The following GRM8 variants were observed in gnomAD, a reference collection of about 807,000 sequenced individuals.
GRM8 encodes the protein metabotropic glutamate receptor 8.
Under a neutral mutation model 87.2 loss-of-function variants are expected in GRM8, and 47 were observed. The ratio of observed to expected loss-of-function variants is 0.54; its 90% confidence interval spans 0.43 to 0.69. The LOEUF (loss-of-function observed/expected upper bound fraction) is 0.69. GRM8 is among the 30% of genes least tolerant of loss of function. The probability of loss-of-function intolerance (pLI) is 0.00; values close to 1 mark genes in which losing one functional copy is unlikely to be tolerated. For synonymous variants in GRM8, 396 were observed against 404.5 expected, an observed-to-expected ratio of 0.98 and a Z score of 0.25; for missense variants, 1,019 against 1,139.2, an observed-to-expected ratio of 0.89 and a Z score of 1.52.
chr7:126,654,432 A>G (rs978448551), intron 7 of GRM8, among the ~76,000 whole-genome samples: 9 of 152,202 alleles, frequency 5.9e-5, no homozygotes, highest in Non-Finnish European at 1.2e-4. Context: ...AAATTATGGC[A>G]GGCTTATGGT....
intron 3 of GRM8, among the ~76,000 whole-genome samples, chr7:126,951,745 T>C (rs768154996): frequency 2.0e-4 from 31 of 152,036 alleles, no homozygotes; most frequent in South Asian, 6.2e-4. Context: ...GATTTCTCAC[T>C]ATTTGAGAAA....
At chr7:127,217,583 G>T (rs1454583512) in intron 2 of GRM8, among the ~76,000 whole-genome samples, 5 of 152,068 alleles carry the variant, frequency 3.3e-5, no homozygotes, top group African/African-American at 1.2e-4. Context: ...TAATCATATG[G>T]TTTCTAAGAG....
intron 7 of GRM8, among the ~76,000 whole-genome samples, chr7:126,704,828 G>T (rs1810324022): frequency 6.6e-6 from 1 of 152,136 alleles, no homozygotes; most frequent in African/African-American, 2.4e-5. Flanking sequence ...TGACAATGGT[G>T]CCCGAAACTT....
chr7:126,454,837 C>A (rs1365133966), intron 9 of GRM8, among the ~76,000 whole-genome samples: 3 of 151,576 alleles, frequency 2.0e-5, no homozygotes, highest in Non-Finnish European at 4.4e-5. Context: ...AGGAAAATAA[C>A]CTTGTTGACA....
At position 126,633,208 on chromosome 7, in the gene GRM8, C is replaced by T. The variant is rs13244431; in HGVS notation, c.1358-23710G>A. 5.6e-3 allele frequency among the ~76,000 whole-genome samples: 858 copies of T among 152,054 alleles called. 5 individuals carry two copies. The highest frequency in any genetic ancestry group is 7.7e-3 in the Non-Finnish European group (526 of 67,974). ...AATCTGCTGACCACAATGCTTTCCC[C>T]CATAAAGTGGAGAAGAAATGTGGAA... On this transcript the variant is annotated intron_variant, in intron 7 of 10. Transcript: ENST00000339582.
At chr7:126,538,589 C>T (rs1276594030) in intron 8 of GRM8, among the ~76,000 whole-genome samples, 2 of 151,978 alleles carry the variant, frequency 1.3e-5, no homozygotes, top group Non-Finnish European at 2.9e-5. Context: ...CCATTCTTAA[C>T]ACATTTCCTC....
chr7:127,198,997 A>G (rs1424290689), intron 2 of GRM8, among the ~76,000 whole-genome samples: 4 of 151,924 alleles, frequency 2.6e-5, no homozygotes, highest in African/African-American at 9.7e-5. Flanking sequence ...ATATGCCACC[A>G]TGCCTGGCTA....
intron 2 of GRM8, among the ~76,000 whole-genome samples, chr7:127,146,663 A>G (rs1828570733): frequency 1.3e-5 from 2 of 152,098 alleles, no homozygotes; most frequent in South Asian, 4.1e-4. Flanking sequence ...ATTTTAGTTC[A>G]GTTATCCAGA....
intron 6 of GRM8, among the ~76,000 whole-genome samples, chr7:126,827,953 G>T (rs1794983486): frequency 6.6e-6 from 1 of 152,154 alleles, no homozygotes; most frequent in African/African-American, 2.4e-5. Context: ...GGCCTTTTCT[G>T]CATCTATTGA....
Position 126,925,086 on chromosome 7 carries a change from T to C in GRM8, c.728-20403A>G, listed in dbSNP as rs1804955652. ...GAGCAAGACCTCAAAACAGGAACTT[T>C]TTCTTCATGTTTTCCATTTGTTATT... On this transcript the variant is annotated intron_variant, in intron 3 of 10. Coordinates refer to ENST00000339582, the MANE Select transcript of GRM8 (RefSeq NM_000845.3). Among the ~76,000 whole-genome samples the C allele has an allele frequency of 2.0e-5, 3 of 152,300 alleles. No individual in the cohort carries two copies. The South Asian group carries it at 6.2e-4, about 32-fold the overall frequency.
At chr7:126,874,045 T>C (rs529898707) in intron 6 of GRM8, among the ~76,000 whole-genome samples, 1 of 152,170 alleles carries the variant, frequency 6.6e-6, no homozygotes, top group South Asian at 2.1e-4. Flanking sequence ...TCTGAAGAAG[T>C]GTTAGTCACT....
intron 8 of GRM8, among the ~76,000 whole-genome samples, chr7:126,605,858 C>CAT (rs74515944): frequency 4.3e-4 from 65 of 152,112 alleles, no homozygotes; most frequent in East Asian, 7.7e-4. Flanking sequence ...ATTGCAAACC[C>CAT]ATATATATAT....
intron 3 of GRM8, among the ~76,000 whole-genome samples, chr7:127,003,437 T>C (rs1028146253): frequency 6.6e-6 from 1 of 151,708 alleles, no homozygotes. Flanking sequence ...ACAGGTGGCA[T>C]CCAGATGGAG....
At chr7:126,721,471 C>A (rs1409927690) in intron 7 of GRM8, among the ~76,000 whole-genome samples, 1 of 152,042 alleles carries the variant, frequency 6.6e-6, no homozygotes, top group Non-Finnish European at 1.5e-5. Flanking sequence ...AGATTAAACT[C>A]TTTCTTGGTG....
At chr7:126,480,238 A>T (rs1806508521) in intron 9 of GRM8, among the ~76,000 whole-genome samples, 1 of 151,976 alleles carries the variant, frequency 6.6e-6, no homozygotes, top group African/African-American at 2.4e-5. Flanking sequence ...TACAGAAATT[A>T]GCCGGGTGTG....
At chr7:127,154,454 ACTC>A (rs908573642) in intron 2 of GRM8, among the ~76,000 whole-genome samples, 3 of 150,176 alleles carry the variant, frequency 2.0e-5, no homozygotes, top group African/African-American at 7.4e-5. Context: ...ATAAATTCCC[ACTC>A]CTCCTCCTCA....
intron 3 of GRM8, among the ~76,000 whole-genome samples, chr7:126,920,829 C>T (rs142905377): frequency 0.091 from 13,610 of 149,216 alleles, 671 homozygotes; most frequent in Middle Eastern, 0.16. Context: ...TCTCCCCCCA[C>T]CCACCCCTGC....
chr7:126,777,469 T>G (rs1395077534), intron 6 of GRM8, among the ~76,000 whole-genome samples: 1 of 152,132 alleles, frequency 6.6e-6, no homozygotes, highest in African/African-American at 2.4e-5. Context: ...CTGTGAAATT[T>G]CCTTTGATTC....
intron 3 of GRM8, among the ~76,000 whole-genome samples, chr7:127,054,086 AG>A (rs1306661998): frequency 2.6e-4 from 40 of 152,328 alleles, no homozygotes; most frequent in Middle Eastern, 3.4e-3. Flanking sequence ...AATACCCAAA[AG>A]ATAGACATAT....
Sources: gnomAD v4.1 joint callset for allele counts (sites outside exome capture counted in the v4.1 genomes callset) on GRCh38, gnomAD v4.1.1 for gene constraint, MANE v1.5 for transcripts, NCBI Gene and HGNC (gene_info 2026-07-23, HGNC 2026-07-21) for gene names.